Variants in ARHGEF18 observed in about 807,000 individuals in gnomAD.
ARHGEF18 encodes rho guanine nucleotide exchange factor 18.
ARHGEF18 carries 93 observed loss-of-function variants against 155.7 expected under a neutral mutation model. The observed-to-expected ratio is 0.60, with a 90% CI of 0.50 to 0.71. The LOEUF (loss-of-function observed/expected upper bound fraction) is 0.71, where lower values mean the gene tolerates loss of function less well. Among genes scored for constraint, ARHGEF18 ranks in the 30% least tolerant of loss-of-function variants. ARHGEF18 has a pLI of 0.00. For synonymous variants in ARHGEF18, 742 were observed against 753.1 expected, an observed-to-expected ratio of 0.99 and a Z score of 0.24; for missense variants, 1,593 against 1,816.1, an observed-to-expected ratio of 0.88 and a Z score of 2.23.
Position 7,441,899 on chromosome 19 carries a change from G to A in ARHGEF18, c.1220-13G>A, listed in dbSNP as rs548491775. 1.2e-5 allele frequency: 19 copies of A among 1,613,864 alleles called. No individual in the cohort carries two copies. The highest frequency in any genetic ancestry group is 8.3e-5 in the Admixed American group (5 of 60,012). ...TCTGGGCCCCCAGCAGCCACACCTC[G>A]CTCTTCCCTCAGATCCCTACACCGC... On this transcript the variant is annotated splice_polypyrimidine_tract_variant and intron_variant, in intron 12 of 28. Transcript: ENST00000668164.
Position 7,470,684 on chromosome 19 carries a change from A to G in ARHGEF18, c.*386A>G, listed in dbSNP as rs983135260. 34 of 398,644 alleles carry G rather than the reference A, an allele frequency of 8.5e-5. No homozygotes were observed. Among genetic ancestry groups the G allele is most frequent in the Admixed American group, 8.8e-5 (2 of 22,658 alleles). 24.7% of individuals were successfully genotyped at this position (398,644 alleles called of 1,614,324 possible). A position where few individuals can be genotyped will look rare whatever the true frequency, so the allele number is the denominator to read the frequency against. On this transcript the variant is annotated 3_prime_UTR_variant, in exon 29 of 29. Transcript: ENST00000668164. The surrounding 1 kb of genome is among the most constrained non-coding windows in gnomAD (Gnocchi z 5.9). Reference sequence around the variant, plus strand: ...GCCGGCTCTGCACGGAGCTGAGGACAGGACAGACCTTGCTTTGAGAAGGAG... The same window carrying G: ...GCCGGCTCTGCACGGAGCTGAGGACGGGACAGACCTTGCTTTGAGAAGGAG...
At chr19:7,409,807 T>A (rs1204596062) in intron 10 of ARHGEF18, among the ~76,000 whole-genome samples, 3 of 142,194 alleles carry the variant, frequency 2.1e-5, no homozygotes. Context: ...TCTCACTCTG[T>A]CGCCTAGGCT....
At chr19:7,366,668 AT>A (rs1310604844) in intron 2 of ARHGEF18, among the ~76,000 whole-genome samples, 1 of 152,206 alleles carries the variant, frequency 6.6e-6, no homozygotes, top group Non-Finnish European at 1.5e-5. Flanking sequence ...AATTAGCTCC[AT>A]GAGGACAGGG....
At chr19:7,375,974 C>T (rs1237776515) in intron 4 of ARHGEF18, 104 bp downstream of exon 4, 44 of 1,195,228 alleles carry the variant, frequency 3.7e-5, no homozygotes, top group Non-Finnish European at 4.6e-5. Context: ...TGGCGCTTAC[C>T]CACCATGGCA....
At chr19:7,370,508 A>G (rs1970155956) in intron 2 of ARHGEF18, among the ~76,000 whole-genome samples, 1 of 152,150 alleles carries the variant, frequency 6.6e-6, no homozygotes, top group Middle Eastern at 3.4e-3. Flanking sequence ...AAAATAATAA[A>G]TAAATAAAAT....
chr19:7,398,820 A>T (rs1971873034), intron 10 of ARHGEF18, among the ~76,000 whole-genome samples: 1 of 151,900 alleles, frequency 6.6e-6, no homozygotes. Context: ...TTTCTGGCAT[A>T]GCTGTAGTAT....
rs902206410 is a variant in ARHGEF18, at chr19:7,373,081, C to G, written c.275+10C>G. On this transcript the variant is annotated intron_variant, in intron 3 of 28. Coordinates refer to ENST00000668164, the MANE Select transcript of ARHGEF18 (RefSeq NM_001367823.1). ...CAGAGAGCTGGCGGAGGTCAGTTCC[C>G]CACTGCTGCCTGCTTCCCACAATGC... 2 of 1,234,376 alleles carry G rather than the reference C, an allele frequency of 1.6e-6. No homozygotes were observed. Among genetic ancestry groups the G allele is most frequent in the Non-Finnish European group, 1.0e-6 (1 of 988,364 alleles). 76.5% of individuals were successfully genotyped at this position (1,234,376 alleles called of 1,614,324 possible). A position where few individuals can be genotyped will look rare whatever the true frequency, so the allele number is the denominator to read the frequency against.
Position 7,462,355 on chromosome 19 carries a change from T to G in ARHGEF18, c.2635+21T>G. On this transcript the variant is annotated intron_variant, in intron 21 of 28. Coordinates refer to ENST00000668164, the MANE Select transcript of ARHGEF18 (RefSeq NM_001367823.1). The surrounding 1 kb of genome is among the most constrained non-coding windows in gnomAD (Gnocchi z 4.4). ...CGAGAGTAAGTTGGCTGCCCACACC[T>G]CAAGGGTGCAGTCTTGCCGGGGTGG... 6.4e-7 allele frequency: 1 copy of G among 1,564,808 alleles called. No homozygotes were observed. The highest frequency in any genetic ancestry group is 8.6e-7 in the Non-Finnish European group (1 of 1,157,196).
Position 7,415,331 on chromosome 19 carries a change from C to T in ARHGEF18, c.968-25013C>T, listed in dbSNP as rs1259215239. On this transcript the variant is annotated intron_variant, in intron 10 of 28. Coordinates refer to ENST00000668164, the MANE Select transcript of ARHGEF18 (RefSeq NM_001367823.1). ...CCCCGTGCCAGCGGCTGCCTGCTGCCGAGCCCGCCACTCTGCCCCCCACTT... is the reference window on the plus strand; with the variant it reads ...CCCCGTGCCAGCGGCTGCCTGCTGCTGAGCCCGCCACTCTGCCCCCCACTT... Among the ~76,000 whole-genome samples, 8 of 152,040 alleles carry T rather than the reference C, an allele frequency of 5.3e-5. No individual in the cohort carries two copies. In the East Asian group the frequency reaches 1.2e-3, roughly 22 times the overall value.
intron 10 of ARHGEF18, among the ~76,000 whole-genome samples, chr19:7,409,784 T>C (rs577436764): frequency 1.5e-5 from 2 of 136,464 alleles, no homozygotes. Flanking sequence ...TTTTTTTTTT[T>C]ATTGAGATGG....
Position 7,470,278 on chromosome 19 carries a change from G to A in ARHGEF18, c.4066G>A (p.Glu1356Lys). 1 of 1,548,408 alleles carries A rather than the reference G, an allele frequency of 6.5e-7. No homozygotes were observed. Among genetic ancestry groups the A allele is most frequent in the South Asian group, 1.2e-5 (1 of 84,320 alleles). Residue 1356 changes from glutamate (E) to lysine (K), a missense_variant, in exon 29 of 29, where the codon GAA (glutamate) becomes AAA (lysine). Transcript: ENST00000668164. The surrounding 1 kb of genome is among the most constrained non-coding windows in gnomAD (Gnocchi z 5.9). ...CAGCGCCAAGGAGGACGCCAGCAAA[G>A]AAGACGTCATCTTCTTCTAAAAGGG... ...PLSAKEDASK[E>K]DVIFF
rs1357935860 is a variant in ARHGEF18, at chr19:7,458,452, CCTGCTGT to C, written c.2182-59_2182-53del. 1.9e-6 allele frequency: 3 copies of C among 1,545,362 alleles called. No homozygotes were observed. The African/African-American group carries it at 4.1e-5, about 21-fold the overall frequency. On this transcript the variant is annotated intron_variant, in intron 18 of 28. Coordinates refer to ENST00000668164, the MANE Select transcript of ARHGEF18 (RefSeq NM_001367823.1). Reference sequence around the variant, plus strand: ...TTCCCCTCACCAGGCCCTTGACCTCCCTGCTGTTTGGGTGCTGTGGGGTAAAGGGTGA... The same window carrying C: ...TTCCCCTCACCAGGCCCTTGACCTCCTTGGGTGCTGTGGGGTAAAGGGTGA...
intron 2 of ARHGEF18, among the ~76,000 whole-genome samples, chr19:7,368,974 C>T (rs921125649): frequency 3.3e-5 from 5 of 152,062 alleles, no homozygotes; most frequent in African/African-American, 1.2e-4. Context: ...AGGACGGTGG[C>T]CACAAAGGAG....
intron 10 of ARHGEF18, among the ~76,000 whole-genome samples, chr19:7,415,090 G>A (rs760366416): frequency 8.6e-5 from 13 of 152,004 alleles, no homozygotes; most frequent in African/African-American, 2.2e-4. Flanking sequence ...TAAAAACCAC[G>A]CATGCCATTC....
chr19:7,452,746 G>A (rs905942887), intron 16 of ARHGEF18, among the ~76,000 whole-genome samples: 3 of 151,720 alleles, frequency 2.0e-5, no homozygotes, highest in Admixed American at 1.3e-4. Flanking sequence ...GATTACAGGC[G>A]TGAGCCACCA....
intron 26 of ARHGEF18, among the ~76,000 whole-genome samples, chr19:7,467,991 G>C (rs1976769484): frequency 6.6e-6 from 1 of 152,302 alleles, no homozygotes; most frequent in South Asian, 2.1e-4. Flanking sequence ...CTTGAGGGCA[G>C]GAGTTCCAGG....
rs372242608 is a variant in ARHGEF18, at chr19:7,451,286, C to T, written c.1855+20C>T. 6 of 1,606,058 alleles carry T rather than the reference C, an allele frequency of 3.7e-6. No homozygotes were observed. The African/African-American group carries it at 5.4e-5, about 14-fold the overall frequency. ...CGGAAGGTAGGCCTTCTCCCCACTGCCCCGCCCGCCCGTGCTGCTGCAGCA... is the reference window on the plus strand; with the variant it reads ...CGGAAGGTAGGCCTTCTCCCCACTGTCCCGCCCGCCCGTGCTGCTGCAGCA... On this transcript the variant is annotated intron_variant, in intron 16 of 28. Coordinates refer to ENST00000668164, the MANE Select transcript of ARHGEF18 (RefSeq NM_001367823.1).
At chr19:7,435,705 C>G (rs575950036) in intron 10 of ARHGEF18, among the ~76,000 whole-genome samples, 1 of 152,122 alleles carries the variant, frequency 6.6e-6, no homozygotes. Context: ...ATCACAAATC[C>G]GGAATAAAAG....
intron 10 of ARHGEF18, among the ~76,000 whole-genome samples, chr19:7,425,929 G>A (rs1403686858): frequency 6.6e-6 from 1 of 152,126 alleles, no homozygotes; most frequent in Non-Finnish European, 1.5e-5. Context: ...GAACTCAGGA[G>A]TTCGAGGCTA....
Sources: gnomAD v4.1 joint callset for allele counts (sites outside exome capture counted in the v4.1 genomes callset) on GRCh38, gnomAD v4.1.1 for gene constraint, Gnocchi (gnomAD v3.1) non-coding constraint, MANE v1.5 for transcripts, NCBI Gene and HGNC (gene_info 2026-07-23, HGNC 2026-07-21) for gene names.